The following TMC7 variants were observed in gnomAD, a reference collection of about 807,000 sequenced individuals.
TMC7 encodes transmembrane channel-like protein 7.
A neutral mutation model predicts 82.9 loss-of-function variants in TMC7; 54 were observed. The observed-to-expected ratio is 0.65, with a 90% CI of 0.52 to 0.82. The LOEUF is 0.82. TMC7 is among the 40% of genes least tolerant of loss of function. TMC7 has a pLI of 0.00. For synonymous variants in TMC7, 350 were observed against 337.9 expected (o/e 1.04, Z -0.39); for missense variants, 820 against 901.2 (o/e 0.91, Z 1.15).
chr16:19,009,574 C>T (rs1242225613), intron 2 of TMC7, among the ~76,000 whole-genome samples, 159 bp downstream of exon 2: 1 of 151,814 alleles, frequency 6.6e-6, no homozygotes, highest in African/African-American at 2.4e-5. Context: ...TTTTCTTCTC[C>T]ACTCCTACTG....
intron 3 of TMC7, 117 bp downstream of exon 3, chr16:19,016,715 T>C (rs1172347293): frequency 8.7e-7 from 1 of 1,154,374 alleles, no homozygotes; most frequent in Non-Finnish European, 1.2e-6. Context: ...CCATGATGAA[T>C]GTGAGCAACA....
chr16:19,028,725 G>A (rs981635170), intron 5 of TMC7, among the ~76,000 whole-genome samples: 6 of 151,312 alleles, frequency 4.0e-5, no homozygotes, highest in Admixed American at 1.3e-4. Context: ...GTGTGATCTC[G>A]GCTCACCACA....
chr16:19,034,165 G>T (rs553271806), intron 6 of TMC7, among the ~76,000 whole-genome samples: 1 of 152,310 alleles, frequency 6.6e-6, no homozygotes, highest in East Asian at 1.9e-4. Context: ...GTTAACCAAA[G>T]TATATAGTCC....
chr16:19,039,734 G>A (rs1960921442), intron 8 of TMC7, among the ~76,000 whole-genome samples: 1 of 152,052 alleles, frequency 6.6e-6, no homozygotes, highest in Admixed American at 6.6e-5. Flanking sequence ...CAGAATACAT[G>A]GGTCTTCTTA....
chr16:19,051,853 T>G (rs1386839912), intron 13 of TMC7, 37 bp downstream of exon 13: 2 of 1,609,426 alleles, frequency 1.2e-6, no homozygotes, highest in South Asian at 2.2e-5. Flanking sequence ...ATTTCATTGC[T>G]TCTTGACCTC....
intron 13 of TMC7, among the ~76,000 whole-genome samples, chr16:19,054,761 T>C (rs1961695054): frequency 6.8e-6 from 1 of 146,744 alleles, no homozygotes; most frequent in Non-Finnish European, 1.5e-5. Context: ...TTTTTTTTTT[T>C]TGAGAGGGAG....
chr16:18,986,577 G>A (rs1362177877), intron 1 of TMC7, among the ~76,000 whole-genome samples: 1 of 151,888 alleles, frequency 6.6e-6, no homozygotes, highest in Non-Finnish European at 1.5e-5. Context: ...ACAACTTTCC[G>A]GTGGCTTCTC....
intron 3 of TMC7, among the ~76,000 whole-genome samples, chr16:19,019,620 G>A (rs1959868201): frequency 6.6e-6 from 1 of 152,134 alleles, no homozygotes; most frequent in Admixed American, 6.6e-5. Flanking sequence ...GACAGGGTGA[G>A]GCAGAAGCAG....
Position 19,007,616 on chromosome 16 carries a change from C to T in TMC7, c.68-1556C>T, listed in dbSNP as rs141702051. 6.6e-5 allele frequency among the ~76,000 whole-genome samples: 10 copies of T among 151,758 alleles called. No individual in the cohort carries two copies. In the East Asian group the frequency reaches 1.7e-3, roughly 26 times the overall value. ...CTAAATGTCACCTTTAAAGAGAGACCGAGATCACGTGCCACTGCACTCCAG... is the reference window on the plus strand; with the variant it reads ...CTAAATGTCACCTTTAAAGAGAGACTGAGATCACGTGCCACTGCACTCCAG... On this transcript the variant is annotated intron_variant, in intron 1 of 15. Transcript: ENST00000304381.
At position 19,021,527 on chromosome 16, in the gene TMC7, A is replaced by G; in HGVS notation, c.461-102A>G. 3 of 1,266,582 alleles carry G rather than the reference A, an allele frequency of 2.4e-6. No homozygotes were observed. In the South Asian group the frequency reaches 4.3e-5, roughly 18 times the overall value. 78.5% of individuals were successfully genotyped at this position (1,266,582 alleles called of 1,614,324 possible). A position where few individuals can be genotyped will look rare whatever the true frequency, so the allele number is the denominator to read the frequency against. ...AAATAAAACGTTTCTTCCTCCTTCC[A>G]GCTACTGATTCCTCCAGCTTCAGCT... On this transcript the variant is annotated intron_variant, in intron 3 of 15. Transcript: ENST00000304381.
intron 6 of TMC7, among the ~76,000 whole-genome samples, chr16:19,031,881 G>T (rs1244745895): frequency 6.6e-6 from 1 of 152,112 alleles, no homozygotes; most frequent in East Asian, 1.9e-4. Flanking sequence ...CCATGCGGAT[G>T]GTATTTATAG....
At chr16:19,050,229 G>A (rs28729134) in intron 12 of TMC7, among the ~76,000 whole-genome samples, 2,647 of 151,760 alleles carry the variant, frequency 0.017, 79 homozygotes, top group African/African-American at 0.061. Flanking sequence ...AAATTAGCCG[G>A]GCTTGGTGGC....
rs553591112 is a variant in TMC7, at chr16:18,999,698, G to A, written c.68-9474G>A. On this transcript the variant is annotated intron_variant, in intron 1 of 15. Transcript: ENST00000304381. Reference sequence around the variant, plus strand: ...GCAATGATCAGCCACTGGCTTTGGAGGGCTTCTTGCAATTGATTGACATGT... The same window carrying A: ...GCAATGATCAGCCACTGGCTTTGGAAGGCTTCTTGCAATTGATTGACATGT... Among the ~76,000 whole-genome samples, 58 of 152,310 alleles carry A rather than the reference G, an allele frequency of 3.8e-4. 1 individual carries two copies. The Middle Eastern group carries it at 0.01, about 27-fold the overall frequency.
intron 1 of TMC7, among the ~76,000 whole-genome samples, chr16:19,005,848 C>T (rs2039230451): frequency 6.6e-6 from 1 of 152,188 alleles, no homozygotes; most frequent in African/African-American, 2.4e-5. Context: ...GTCATATCCT[C>T]AGGGTGTGCC....
intron 3 of TMC7, among the ~76,000 whole-genome samples, chr16:19,018,924 C>T (rs1959835522): frequency 6.6e-6 from 1 of 152,216 alleles, no homozygotes. Context: ...AGTCTTGGCT[C>T]ACTGCAACCT....
At chr16:19,010,588 A>G (rs996481124) in intron 2 of TMC7, among the ~76,000 whole-genome samples, 17 of 152,338 alleles carry the variant, frequency 1.1e-4, no homozygotes, top group African/African-American at 4.1e-4. Flanking sequence ...GCAACCAAGC[A>G]GTACAAAAAG....
In TMC7 at chr16:19,040,280, T is replaced by C; in HGVS notation, c.1180-9T>C. ...TACTCCTGACTAATAAGTTTTGTTA[T>C]CCTCCTAGGAAATCGACAAGATGGT... is the stretch of plus-strand genomic sequence containing the variant. On this transcript the variant is annotated splice_polypyrimidine_tract_variant and intron_variant, in intron 8 of 15. Transcript: ENST00000304381. 3.7e-6 allele frequency: 6 copies of C among 1,611,200 alleles called. No homozygotes were observed. The highest frequency in any genetic ancestry group is 4.2e-6 in the Non-Finnish European group (5 of 1,178,862).
intron 1 of TMC7, among the ~76,000 whole-genome samples, chr16:19,005,925 C>G (rs2039232064): frequency 6.6e-6 from 1 of 152,168 alleles, no homozygotes; most frequent in Non-Finnish European, 1.5e-5. Flanking sequence ...GGGCCCCAGC[C>G]ACGTGTCCAT....
At chr16:18,993,522 C>T (rs930921882) in intron 1 of TMC7, among the ~76,000 whole-genome samples, 23 of 152,092 alleles carry the variant, frequency 1.5e-4, no homozygotes, top group South Asian at 8.3e-4. Context: ...AGGAGAAAAA[C>T]GGGCCATGAG....
Sources: gnomAD v4.1 joint callset for allele counts (sites outside exome capture counted in the v4.1 genomes callset) on GRCh38, gnomAD v4.1.1 for gene constraint, MANE v1.5 for transcripts, NCBI Gene and HGNC (gene_info 2026-07-23, HGNC 2026-07-21) for gene names.